ZMYND8: variants seen among roughly 807,000 people sequenced by gnomAD.
ZMYND8 encodes the protein MYND-type zinc finger-containing chromatin reader ZMYND8.
ZMYND8 carries 37 observed loss-of-function variants against 140.8 expected under a neutral mutation model. The ratio of observed to expected loss-of-function variants is 0.26; its 90% confidence interval spans 0.20 to 0.35. ZMYND8 has a LOEUF of 0.35. ZMYND8 is among the 10% of genes least tolerant of loss of function. The pLI is 1.00. For synonymous variants in ZMYND8, 592 were observed against 597.1 expected, an observed-to-expected ratio of 0.99 and a Z score of 0.12; for missense variants, 1,068 against 1,570.0, an observed-to-expected ratio of 0.68 and a Z score of 5.40.
intron 2 of ZMYND8, among the ~76,000 whole-genome samples, chr20:47,338,751 G>A (rs1313025795): frequency 6.6e-6 from 1 of 152,036 alleles, no homozygotes; most frequent in African/African-American, 2.4e-5. Context: ...CTCAAAACAA[G>A]GTGATCCCTT....
At chr20:47,309,395 T>C (rs2078745361) in intron 3 of ZMYND8, among the ~76,000 whole-genome samples, 1 of 151,098 alleles carries the variant, frequency 6.6e-6, no homozygotes, top group South Asian at 2.1e-4. Flanking sequence ...AACCTCCGCC[T>C]CCCGGGTTCA....
At chr20:47,215,587 A>G (rs2035973976) in intron 21 of ZMYND8, among the ~76,000 whole-genome samples, 1 of 151,348 alleles carries the variant, frequency 6.6e-6, no homozygotes, top group African/African-American at 2.4e-5. Context: ...CACTCACTGC[A>G]GTCTCAAAAC....
intron 2 of ZMYND8, among the ~76,000 whole-genome samples, chr20:47,346,950 G>T (rs145823446): frequency 7.3e-4 from 111 of 152,262 alleles, no homozygotes; most frequent in African/African-American, 2.5e-3. Context: ...GGTTTCAGAC[G>T]CCTTTAGGGA....
At chr20:47,246,842 TG>T (rs1341636274) in intron 13 of ZMYND8, among the ~76,000 whole-genome samples, 1 of 152,134 alleles carries the variant, frequency 6.6e-6, no homozygotes, top group Non-Finnish European at 1.5e-5. Flanking sequence ...TGAAGAGGGC[TG>T]GAAGGGAACA....
chr20:47,235,339 T>C (rs1436173350), intron 16 of ZMYND8, among the ~76,000 whole-genome samples: 1 of 152,124 alleles, frequency 6.6e-6, no homozygotes. Flanking sequence ...ACACAGCACA[T>C]CAGTCCAGCG....
At chr20:47,282,635 G>C (rs1450973898) in intron 9 of ZMYND8, among the ~76,000 whole-genome samples, 2 of 151,186 alleles carry the variant, frequency 1.3e-5, no homozygotes, top group African/African-American at 4.9e-5. Context: ...TGAGGCAGGA[G>C]AATCACTTGA....
intron 11 of ZMYND8, among the ~76,000 whole-genome samples, chr20:47,269,182 G>C (rs2075759869): frequency 1.3e-5 from 2 of 152,182 alleles, no homozygotes; most frequent in African/African-American, 4.8e-5. Flanking sequence ...CTGGGCAACA[G>C]AGTGGGACTC....
At chr20:47,240,465 G>T (rs1000303886) in intron 14 of ZMYND8, among the ~76,000 whole-genome samples, 1 of 151,828 alleles carries the variant, frequency 6.6e-6, no homozygotes, top group African/African-American at 2.4e-5. Context: ...AGGGAGCCGA[G>T]ACCATGCCAT....
intron 12 of ZMYND8, among the ~76,000 whole-genome samples, chr20:47,255,954 T>C (rs2074677161): frequency 6.6e-6 from 1 of 150,534 alleles, no homozygotes; most frequent in Admixed American, 6.7e-5. Flanking sequence ...ATGCCTGTTA[T>C]CTCAGCTGCT....
chr20:47,252,372 G>A (rs892118487), intron 12 of ZMYND8, among the ~76,000 whole-genome samples: 1 of 150,364 alleles, frequency 6.7e-6, no homozygotes, highest in Non-Finnish European at 1.5e-5. Context: ...TGAGTTGCAT[G>A]CAAATGTGAC....
intron 22 of ZMYND8, among the ~76,000 whole-genome samples, chr20:47,211,597 T>C (rs2035265010): frequency 6.6e-6 from 1 of 152,122 alleles, no homozygotes; most frequent in Non-Finnish European, 1.5e-5. Context: ...GAATGAGGTG[T>C]CTGTGAAGAG....
At chr20:47,226,964 T>A (rs2037797209) in intron 18 of ZMYND8, among the ~76,000 whole-genome samples, 1 of 152,066 alleles carries the variant, frequency 6.6e-6, no homozygotes, top group African/African-American at 2.4e-5. Flanking sequence ...GCCTGACCAA[T>A]CCTCATTATT....
At chr20:47,310,540 G>A (rs914367904) in intron 2 of ZMYND8, among the ~76,000 whole-genome samples, 1 of 151,966 alleles carries the variant, frequency 6.6e-6, no homozygotes, top group East Asian at 1.9e-4. Flanking sequence ...GCTCATGCCT[G>A]TAATCCCAGC....
At chr20:47,273,367 G>A (rs1414400524) in intron 11 of ZMYND8, among the ~76,000 whole-genome samples, 1 of 152,050 alleles carries the variant, frequency 6.6e-6, no homozygotes, top group African/African-American at 2.4e-5. Context: ...CCAACATGGT[G>A]AAACCCTGTC....
chr20:47,315,555 G>T (rs1025576295), intron 2 of ZMYND8, among the ~76,000 whole-genome samples: 2 of 152,070 alleles, frequency 1.3e-5, no homozygotes, highest in African/African-American at 4.8e-5. Context: ...GTGGGGGCTG[G>T]GCCTCTGGTG....
chr20:47,217,849 A>G (rs1271003404), intron 21 of ZMYND8, among the ~76,000 whole-genome samples: 5 of 151,804 alleles, frequency 3.3e-5, no homozygotes, highest in Non-Finnish European at 2.9e-5. Context: ...ATTCAGAAAA[A>G]CTGCCCCTTC....
chr20:47,319,279 G>A (rs1030372599), intron 2 of ZMYND8: 16 of 345,490 alleles, frequency 4.6e-5, no homozygotes, highest in East Asian at 7.7e-5. Flanking sequence ...GAAAGTCTCC[G>A]GTGCAGTGCA....
At chr20:47,310,399 T>C (rs2078832451) in intron 2 of ZMYND8, among the ~76,000 whole-genome samples, 195 bp from the exon 3 acceptor site, 1 of 152,212 alleles carries the variant, frequency 6.6e-6, no homozygotes, top group African/African-American at 2.4e-5. Context: ...AGACAAGTAT[T>C]TCTTTGACCT....
chr20:47,259,720 C>T (rs2075016340), intron 12 of ZMYND8, among the ~76,000 whole-genome samples: 2 of 152,286 alleles, frequency 1.3e-5, no homozygotes, highest in African/African-American at 4.8e-5. Flanking sequence ...CAATGCTCTA[C>T]CCCTGACTCG....
Sources: gnomAD v4.1 joint callset for allele counts (sites outside exome capture counted in the v4.1 genomes callset) on GRCh38, gnomAD v4.1.1 for gene constraint, MANE v1.5 for transcripts, NCBI Gene and HGNC (gene_info 2026-07-23, HGNC 2026-07-21) for gene names.